PMF1: variants seen among roughly 807,000 people sequenced by gnomAD.
PMF1 encodes polyamine modulated factor 1, also known as polyamine-modulated factor 1.
A neutral mutation model predicts 26.7 loss-of-function variants in PMF1; 21 were observed. That is an observed-to-expected ratio of 0.79 (90% CI 0.56 to 1.13). PMF1 has a LOEUF of 1.13. Among genes scored for constraint, PMF1 ranks in the 50% most tolerant of loss-of-function variants. PMF1 has a pLI of 0.00. For missense variants in PMF1, 266 were observed against 254.9 expected (o/e 1.04, Z -0.30); for synonymous variants, 105 against 101.0 (o/e 1.04, Z -0.24).
intron 1 of PMF1, among the ~76,000 whole-genome samples, chr1:156,213,805 A>G (rs748910442): frequency 6.6e-6 from 1 of 152,250 alleles, no homozygotes; most frequent in Non-Finnish European, 1.5e-5. Context: ...GACACATAGA[A>G]AGATTTGTTA....
chr1:156,229,921 T>TA (rs1375502283), intron 1 of PMF1, among the ~76,000 whole-genome samples: 1 of 152,248 alleles, frequency 6.6e-6, no homozygotes, highest in East Asian at 1.9e-4. Context: ...ATTTAATTCT[T>TA]AATAATGGCT....
At position 156,236,387 on chromosome 1, in the gene PMF1, G is replaced by A. The variant is rs771199455; in HGVS notation, c.468G>A (p.Glu156=). 72 of 1,614,126 alleles carry A rather than the reference G, an allele frequency of 4.5e-5. No individual in the cohort carries two copies. Among genetic ancestry groups the A allele is most frequent in the Non-Finnish European group, 5.7e-5 (67 of 1,180,046 alleles). The change falls in exon 4 of 5, where the codon GAG becomes GAA. Residue 156 remains glutamate (E), a synonymous_variant. Coordinates refer to ENST00000368277, the MANE Select transcript of PMF1 (RefSeq NM_007221.4). ...DTLRRHVQKQ[E]AENQQLADAV... is the part of the protein sequence containing the mutation. ...TGCGGCGCCATGTGCAGAAACAGGA[G>A]GCCGAGAACCAGCAGCTGGCAGATG...
chr1:156,227,501 T>TTA (rs200285388), intron 1 of PMF1, among the ~76,000 whole-genome samples: 1,201 of 92,840 alleles, frequency 0.013, 17 homozygotes, highest in Middle Eastern at 0.039. Flanking sequence ...TTTATTTTAT[T>TTA]TTATTTTTTT....
In PMF1 at chr1:156,238,750, G is replaced by A. The variant is rs950828423; in HGVS notation, c.565-798G>A. On this transcript the variant is annotated intron_variant, in intron 4 of 4. Coordinates refer to ENST00000368277, the MANE Select transcript of PMF1 (RefSeq NM_007221.4). ...CCTGCTGCAGCTTGGGAAGGGCCCC[G>A]GCTGGGAGGCAGTGACAAGTGGAAG... Among the ~76,000 whole-genome samples, 13 of 152,168 alleles carry A rather than the reference G, an allele frequency of 8.5e-5. No homozygotes were observed. In the East Asian group the frequency reaches 9.6e-4, roughly 11 times the overall value.
chr1:156,232,277 C>T lies in PMF1; in HGVS notation c.162-43C>T, dbSNP rs370766793. 350 of 1,594,444 alleles carry T rather than the reference C, an allele frequency of 2.2e-4. 1 individual carries two copies. The African/African-American group carries it at 4.1e-3, about 19-fold the overall frequency. On this transcript the variant is annotated intron_variant, in intron 1 of 4. Coordinates refer to ENST00000368277, the MANE Select transcript of PMF1 (RefSeq NM_007221.4). ...ACCCAGGCAGGCTGATGGCCGGCCT[C>T]ATGCTTGGCCCTCCCCACCTTTGCT...
chr1:156,216,736 CTCCG>C (rs1657746784), intron 1 of PMF1, among the ~76,000 whole-genome samples: 1 of 147,624 alleles, frequency 6.8e-6, no homozygotes, highest in Non-Finnish European at 1.5e-5. Context: ...ACCCCACTGG[CTCCG>C]TGCCGTGCGT....
chr1:156,231,183 C>G (rs367930062), intron 1 of PMF1, among the ~76,000 whole-genome samples: 381 of 135,448 alleles, frequency 2.8e-3, no homozygotes, highest in African/African-American at 0.01. Context: ...CGCCACTGCA[C>G]TCCAGCCTGG....
chr1:156,220,532 A>G (rs1428753614), intron 1 of PMF1: 1 of 151,508 alleles, frequency 6.6e-6, no homozygotes, highest in Non-Finnish European at 1.5e-5. Context: ...GTTTTTCCTC[A>G]TCTTGGGGCA....
intron 1 of PMF1, among the ~76,000 whole-genome samples, chr1:156,216,768 C>T (rs1351057330): frequency 6.6e-6 from 1 of 152,050 alleles, no homozygotes; most frequent in Non-Finnish European, 1.5e-5. Flanking sequence ...GTTCTCGTCT[C>T]CGCTGGGTTG....
rs749955287 is a variant in PMF1 at position 156,236,272 on chromosome 1, C to T, written c.369-16C>T. 2.6e-5 allele frequency: 42 copies of T among 1,598,978 alleles called. No individual in the cohort carries two copies. The South Asian group carries it at 4.3e-4, about 16-fold the overall frequency. ...TTCCGCCTCCTTCATTCCTTGTGCC[C>T]CGTGTGGCCCTCCAGGCGCCCCAGC... On this transcript the variant is annotated splice_polypyrimidine_tract_variant and intron_variant, in intron 3 of 4. Transcript: ENST00000368277.
At chr1:156,217,068 C>G (rs1480287305) in intron 1 of PMF1, among the ~76,000 whole-genome samples, 1 of 150,828 alleles carries the variant, frequency 6.6e-6, no homozygotes, top group Non-Finnish European at 1.5e-5. Flanking sequence ...GAATATCACA[C>G]TCTGGGGACT....
intron 4 of PMF1, among the ~76,000 whole-genome samples, chr1:156,237,597 C>T (rs1038459374): frequency 6.6e-6 from 1 of 151,792 alleles, no homozygotes; most frequent in African/African-American, 2.4e-5. Context: ...CAGGCATGAG[C>T]TGCCACACCC....
chr1:156,223,802 C>G (rs909918843), intron 1 of PMF1: 1 of 152,252 alleles, frequency 6.6e-6, no homozygotes, highest in Admixed American at 6.5e-5. Flanking sequence ...GGAGCCTTCC[C>G]CGAGCCCCTG....
chr1:156,219,652 C>T (rs1657972527), intron 1 of PMF1, among the ~76,000 whole-genome samples: 1 of 151,902 alleles, frequency 6.6e-6, no homozygotes, highest in African/African-American at 2.4e-5. Flanking sequence ...GTGGCACAAT[C>T]ATGGCTCATT....
At chr1:156,216,976 C>T (rs1178056893) in intron 1 of PMF1, among the ~76,000 whole-genome samples, 1 of 151,856 alleles carries the variant, frequency 6.6e-6, no homozygotes, top group East Asian at 1.9e-4. Context: ...AGTAAACTAT[C>T]GCAAGAACAA....
At chr1:156,220,273 T>G (rs1252677791) in intron 1 of PMF1, among the ~76,000 whole-genome samples, 1 of 152,136 alleles carries the variant, frequency 6.6e-6, no homozygotes, top group Non-Finnish European at 1.5e-5. Context: ...CTGCCCATGC[T>G]GGTCTTGAAC....
At chr1:156,228,470 A>G (rs919678601) in intron 1 of PMF1, among the ~76,000 whole-genome samples, 3 of 151,620 alleles carry the variant, frequency 2.0e-5, no homozygotes, top group African/African-American at 7.3e-5. Flanking sequence ...CTGTTAGCAT[A>G]TATTTCATCT....
chr1:156,215,264 G>A (rs1487570741), intron 1 of PMF1, among the ~76,000 whole-genome samples: 1 of 152,148 alleles, frequency 6.6e-6, no homozygotes, highest in Admixed American at 6.6e-5. Context: ...GATATTCCAG[G>A]AACTGGCAGA....
chr1:156,217,844 A>G (rs1440738873), intron 1 of PMF1, among the ~76,000 whole-genome samples: 6 of 152,146 alleles, frequency 3.9e-5, no homozygotes, highest in Non-Finnish European at 5.9e-5. Context: ...CCCATTTCCT[A>G]TCAGCTCCTC....
Sources: allele counts gnomAD v4.1 joint callset (sites outside exome capture counted in the v4.1 genomes callset), GRCh38; gene constraint gnomAD v4.1.1; transcripts MANE v1.5; gene names NCBI Gene and HGNC (gene_info 2026-07-23, HGNC 2026-07-21).